UMODL1: variants seen among roughly 807,000 people sequenced by gnomAD.
UMODL1 encodes the protein uromodulin like 1.
A neutral mutation model predicts 136.3 loss-of-function variants in UMODL1; 128 were observed. The observed-to-expected ratio is 0.94, with a 90% CI of 0.81 to 1.09. The LOEUF (loss-of-function observed/expected upper bound fraction) is 1.09. UMODL1 is among the 50% of genes least tolerant of loss of function. The pLI is 0.00. For missense variants in UMODL1, 1,766 were observed against 1,725.6 expected (o/e 1.02, Z -0.41); for synonymous variants, 721 against 720.0 (o/e 1.00, Z -0.02).
intron 2 of UMODL1, among the ~76,000 whole-genome samples, chr21:42,078,378 T>C (rs1335511987): frequency 3.1e-5 from 1 of 32,410 alleles, no homozygotes; most frequent in Non-Finnish European, 5.8e-5. Context: ...AACACCTCCA[T>C]CACCAACAGA....
intron 6 of UMODL1, among the ~76,000 whole-genome samples, chr21:42,095,251 C>T (rs568143657): frequency 8.6e-4 from 131 of 151,968 alleles, no homozygotes; most frequent in African/African-American, 2.9e-3. Context: ...CACATCACTA[C>T]GTCTGGCTAA....
chr21:42,101,073 T>C (rs2066624999), intron 7 of UMODL1, among the ~76,000 whole-genome samples: 1 of 151,420 alleles, frequency 6.6e-6, no homozygotes, highest in East Asian at 1.9e-4. Flanking sequence ...TGATTTTCTT[T>C]CCTTTTCCAG....
intron 6 of UMODL1, among the ~76,000 whole-genome samples, chr21:42,094,957 C>T (rs1457080718): frequency 6.6e-6 from 1 of 152,052 alleles, no homozygotes; most frequent in Non-Finnish European, 1.5e-5. Flanking sequence ...TACCACTGGG[C>T]CTAAATCAGG....
chr21:42,098,332 T>G (rs1485310083), intron 6 of UMODL1, among the ~76,000 whole-genome samples: 2 of 152,190 alleles, frequency 1.3e-5, no homozygotes, highest in African/African-American at 2.4e-5. Context: ...ACTTCAGACC[T>G]CTTGCTTCTC....
chr21:42,090,021 C>A (rs2066471782), intron 5 of UMODL1, among the ~76,000 whole-genome samples: 1 of 152,224 alleles, frequency 6.6e-6, no homozygotes, highest in Non-Finnish European at 1.5e-5. Flanking sequence ...CTCAGTCCAG[C>A]CCAGAGTGAT....
Position 42,090,310 on chromosome 21 carries a change from G to A in UMODL1, c.803G>A (p.Cys268Tyr). The change falls in exon 6 of 23, where the codon TGT becomes TAT. Residue 268 changes from cysteine to tyrosine, a missense_variant. By Grantham distance (194) the Cys-to-Tyr change is radical. Transcript: ENST00000408910. ...TCCTTCCCTGTAGATGTCAATGAGT[G>A]TTTCTATGAGGAGCTCAATGCCTGC... ...ISVQVQDVNECFYEELNACSG... is the reference protein window; with the variant it reads ...ISVQVQDVNEYFYEELNACSG... 1.2e-6 allele frequency: 2 copies of A among 1,614,188 alleles called. No homozygotes were observed. The highest frequency in any genetic ancestry group is 1.7e-6 in the Non-Finnish European group (2 of 1,180,028).
rs751145808 is a variant in UMODL1 at position 42,111,687 on chromosome 21, C to G, written c.2081C>G (p.Thr694Arg). The change falls in exon 12 of 23, where the codon ACA (threonine) becomes AGA (arginine). Residue 694 changes from threonine to arginine, a missense_variant. Coordinates refer to ENST00000408910, the MANE Select transcript of UMODL1 (RefSeq NM_001004416.3). ...SVDLPLTSTLTALKTPACVPV... is the reference protein window; with the variant it reads ...SVDLPLTSTLRALKTPACVPV... The stretch of plus-strand genomic sequence containing the variant: ...GACCTGCCATTGACCTCCACCCTCA[C>G]AGCTCTGAAGACCCCCGCCTGTGGT... 1.9e-6 allele frequency: 3 copies of G among 1,613,104 alleles called. No individual in the cohort carries two copies. Among genetic ancestry groups the G allele is most frequent in the Middle Eastern group, 1.7e-4 (1 of 6,054 alleles).
chr21:42,128,445 T>C (rs1460834091), intron 20 of UMODL1, among the ~76,000 whole-genome samples: 1 of 152,238 alleles, frequency 6.6e-6, no homozygotes, highest in Non-Finnish European at 1.5e-5. Context: ...TGCTTTTTGC[T>C]CAGTGACCGA....
chr21:42,141,015 A>G (rs916672789), intron 22 of UMODL1, among the ~76,000 whole-genome samples: 8 of 152,110 alleles, frequency 5.3e-5, no homozygotes, highest in Non-Finnish European at 1.0e-4. Flanking sequence ...CCTCTTCGTC[A>G]GGCAGGCAGC....
At chr21:42,138,462 C>G (rs1341287982) in intron 22 of UMODL1, among the ~76,000 whole-genome samples, 3 of 152,148 alleles carry the variant, frequency 2.0e-5, no homozygotes, top group African/African-American at 7.2e-5. Context: ...TTTTGTTTTT[C>G]CTGGGCCTGC....
At chr21:42,086,772 C>T in intron 4 of UMODL1, 1 of 387,454 alleles carries the variant, frequency 2.6e-6, no homozygotes, top group South Asian at 1.8e-5. Context: ...TAAAGACCAG[C>T]CTGGCCAACA....
chr21:42,083,755 T>TGAGC (rs1281763712), intron 2 of UMODL1, among the ~76,000 whole-genome samples: 2 of 152,236 alleles, frequency 1.3e-5, no homozygotes, highest in Non-Finnish European at 2.9e-5. Context: ...AATGAATGAA[T>TGAGC]GAGCTATCAG....
At chr21:42,097,076 G>A (rs1328697715) in intron 6 of UMODL1, among the ~76,000 whole-genome samples, 1 of 152,194 alleles carries the variant, frequency 6.6e-6, no homozygotes, top group Non-Finnish European at 1.5e-5. Flanking sequence ...CTCAGTTGAA[G>A]CATTTCTGCT....
chr21:42,081,117 G>A (rs2066356108), intron 2 of UMODL1, among the ~76,000 whole-genome samples: 1 of 152,186 alleles, frequency 6.6e-6, no homozygotes, highest in African/African-American at 2.4e-5. Flanking sequence ...TCAACCTCCT[G>A]GCAAACTCAG....
In UMODL1 at chr21:42,137,430, C is replaced by G. The variant is rs780560585; in HGVS notation, c.3776-9C>G. 6.2e-7 allele frequency: 1 copy of G among 1,613,782 alleles called. No individual in the cohort carries two copies. The highest frequency in any genetic ancestry group is 1.7e-5 in the Admixed American group (1 of 60,026). On this transcript the variant is annotated splice_polypyrimidine_tract_variant and intron_variant, in intron 21 of 22. Transcript: ENST00000408910. ...CAGATCTCTCACCTGTGCCTGTCTC[C>G]TCCCCGAGGTGAGCCTCCTCATGCA...
In UMODL1 at chr21:42,088,499, C is replaced by T. The variant is rs2066453840; in HGVS notation, c.790+19C>T. The T allele has an allele frequency of 6.3e-7, 1 of 1,583,768 alleles. No individual in the cohort carries two copies. Among genetic ancestry groups the T allele is most frequent in the Non-Finnish European group, 8.6e-7 (1 of 1,157,608 alleles). ...GTGCAAGGTTGGGCTTCCCTCAATC[C>T]TCCCTCTGGGGAGGCTGCAGGGTGG... On this transcript the variant is annotated intron_variant, in intron 5 of 22. Coordinates refer to ENST00000408910, the MANE Select transcript of UMODL1 (RefSeq NM_001004416.3).
At chr21:42,072,583 G>A (rs2066243506) in intron 1 of UMODL1, among the ~76,000 whole-genome samples, 1 of 152,186 alleles carries the variant, frequency 6.6e-6, no homozygotes, top group South Asian at 2.1e-4. Flanking sequence ...AACCCCACAC[G>A]TGGTCGCCCC....
In UMODL1 at chr21:42,085,561, G is replaced by A; in HGVS notation, c.603+149G>A. The A allele has an allele frequency of 8.0e-7, 1 of 1,245,808 alleles. No individual in the cohort carries two copies. The highest frequency in any genetic ancestry group is 1.1e-6 in the Non-Finnish European group (1 of 893,562). 77.2% of individuals were successfully genotyped at this position (1,245,808 alleles called of 1,614,324 possible). ...ATGACTGACTCTGAACGAAATTCTA[G>A]TTCTTAAAAAATCAGCTTCAAAGAG... On this transcript the variant is annotated intron_variant, in intron 4 of 22. Coordinates refer to ENST00000408910, the MANE Select transcript of UMODL1 (RefSeq NM_001004416.3). The surrounding 1 kb of genome is among the most constrained non-coding windows in gnomAD (Gnocchi z 4.5).
intron 9 of UMODL1, chr21:42,108,244 C>G (rs1173094701): frequency 2.1e-6 from 1 of 476,748 alleles, no homozygotes; most frequent in East Asian, 6.8e-5. Flanking sequence ...TGGACTGCAG[C>G]CCAGCCAGCC....
Sources: allele counts gnomAD v4.1 joint callset (sites outside exome capture counted in the v4.1 genomes callset), GRCh38; gene constraint gnomAD v4.1.1; non-coding constraint Gnocchi (gnomAD v3.1); transcripts MANE v1.5; gene names NCBI Gene and HGNC (gene_info 2026-07-23, HGNC 2026-07-21).